Variants in FBXW10 observed in about 807,000 individuals in gnomAD.
FBXW10 encodes the protein F-box and WD repeat domain containing 10.
FBXW10 carries 68 observed loss-of-function variants against 113.1 expected under a neutral mutation model. That is an observed-to-expected ratio of 0.60 (90% CI 0.49 to 0.74). The LOEUF (loss-of-function observed/expected upper bound fraction) is 0.74. Ranked by LOEUF, FBXW10 falls within the 30% of genes least tolerant of loss-of-function variation. The pLI is 0.00. For synonymous variants in FBXW10, 289 were observed against 481.6 expected, an observed-to-expected ratio of 0.60 and a Z score of 5.24; for missense variants, 753 against 1,284.5, an observed-to-expected ratio of 0.59 and a Z score of 6.32.
intron 11 of FBXW10, 90 bp from the exon 12 acceptor site, chr17:18,772,322 G>A (rs1402806830): frequency 1.6e-6 from 2 of 1,271,062 alleles, no homozygotes; most frequent in East Asian, 2.3e-5. Context: ...TGTTCCTTTA[G>A]TCTAAAGACC....
At position 18,744,548 on chromosome 17, in the gene FBXW10, G is replaced by A. The variant is rs377476079; in HGVS notation, c.304G>A (p.Val102Met). 64 of 1,613,892 alleles carry A rather than the reference G, an allele frequency of 4.0e-5. No individual in the cohort carries two copies. The highest frequency in any genetic ancestry group is 5.0e-5 in the Non-Finnish European group (59 of 1,179,888). The change falls in exon 1 of 14, where the codon GTG becomes ATG. Residue 102 changes from valine (V) to methionine (M), a missense_variant. By Grantham distance (21) the Val-to-Met change is conservative (BLOSUM62 1). Coordinates refer to ENST00000395665, the MANE Select transcript of FBXW10 (RefSeq NM_001267585.2). ...CCTCAGCAAGAAAGAGGGGAAAGTTGTGAAGTCCTCCTTGAACCAAATGTT... is the reference window on the plus strand; with the variant it reads ...CCTCAGCAAGAAAGAGGGGAAAGTTATGAAGTCCTCCTTGAACCAAATGTT... The part of the protein sequence containing the change: ...INLSKKEGKV[V>M]KSSLNQMLDK...
In FBXW10 at chr17:18,750,971, A is replaced by G; in HGVS notation, c.1040A>G (p.Lys347Arg). ...TRGIDPNYAN[K>R]VSIPVPKMVD... Reference sequence around the variant, plus strand: ...GGAATTGATCCTAATTATGCCAATAAGGTTTCTATCCCAGTTCCTAAAATG... The same window carrying G: ...GGAATTGATCCTAATTATGCCAATAGGGTTTCTATCCCAGTTCCTAAAATG... Residue 347 changes from lysine (K) to arginine (R), a missense_variant, in exon 5 of 14, where the codon AAG becomes AGG. Physicochemically the swap from Lys to Arg is conservative, Grantham distance 26. Transcript: ENST00000395665. The G allele has an allele frequency of 1.2e-6, 2 of 1,614,116 alleles. No individual in the cohort carries two copies. Among genetic ancestry groups the G allele is most frequent in the South Asian group, 2.2e-5 (2 of 91,086 alleles).
intron 13 of FBXW10, 26 bp downstream of exon 13, chr17:18,775,218 T>C (rs1269603757): frequency 2.0e-6 from 3 of 1,537,988 alleles, no homozygotes; most frequent in Admixed American, 3.4e-5. Flanking sequence ...ATTCTGTTCA[T>C]AAGGGAACAA....
At position 18,744,130 on chromosome 17, in the gene FBXW10, T is replaced by A; in HGVS notation, c.-115T>A. The A allele has an allele frequency of 6.6e-7, 1 of 1,512,534 alleles. No individual in the cohort carries two copies. Among genetic ancestry groups the A allele is most frequent in the Non-Finnish European group, 8.8e-7 (1 of 1,132,258 alleles). The allele number at this position is 1,512,534 out of a possible 1,614,324, so 93.7% of individuals were successfully genotyped here. On this transcript the variant is annotated 5_prime_UTR_variant, in exon 1 of 14. It adds an upstream start codon to the 5' untranslated region. Transcript: ENST00000395665. ...CATTTACTTTTGCTCTGGGAGACGT[T>A]TGTAATAGAAAAGGCACAACTGGGG...
chr17:18,745,184 G>A (rs1181512461), intron 1 of FBXW10: 12 of 1,008,168 alleles, frequency 1.2e-5, no homozygotes, highest in African/African-American at 1.8e-5. Context: ...TCAAAACTTA[G>A]GGCTTTTTTT....
chr17:18,767,533 A>AT (rs996932204), intron 9 of FBXW10, among the ~76,000 whole-genome samples: 7 of 151,554 alleles, frequency 4.6e-5, no homozygotes, highest in African/African-American at 1.2e-4. Flanking sequence ...TGAACAGAGA[A>AT]TTTTTTTTTC....
chr17:18,772,320 T>C, intron 11 of FBXW10, 92 bp from the exon 12 acceptor site: 7 of 1,231,546 alleles, frequency 5.7e-6, no homozygotes, highest in Non-Finnish European at 2.3e-6. Flanking sequence ...ACTGTTCCTT[T>C]AGTCTAAAGA....
At chr17:18,756,744 A>T (rs1428728984) in intron 6 of FBXW10, among the ~76,000 whole-genome samples, 1 of 152,250 alleles carries the variant, frequency 6.6e-6, no homozygotes, top group Admixed American at 6.5e-5. Flanking sequence ...ATATGCTGAG[A>T]GACGAAGTTC....
intron 12 of FBXW10, among the ~76,000 whole-genome samples, chr17:18,774,273 C>G (rs920897158): frequency 6.6e-6 from 1 of 152,210 alleles, no homozygotes; most frequent in African/African-American, 2.4e-5. Flanking sequence ...GGTCACGCAC[C>G]AGAGCAGGAA....
Position 18,744,517 on chromosome 17 carries a change from G to C in FBXW10, c.273G>C (p.Arg91=). The change falls in exon 1 of 14, where the codon CGG becomes CGC. Residue 91 remains arginine, a synonymous_variant. Transcript: ENST00000395665. ...AGGATTTCATCTATAACAGGTCCCG[G>C]ATCAACCTCAGCAAGAAAGAGGGGA... The part of the protein sequence containing the change: ...QGKDFIYNRS[R]INLSKKEGKV... 6.2e-7 allele frequency: 1 copy of C among 1,613,914 alleles called. No individual in the cohort carries two copies.
intron 9 of FBXW10, among the ~76,000 whole-genome samples, chr17:18,767,229 T>G (rs1202657546): frequency 1.3e-5 from 2 of 151,790 alleles, no homozygotes; most frequent in African/African-American, 4.8e-5. Flanking sequence ...TCCCAGCACT[T>G]TGGGAGGCCG....
At chr17:18,759,442 T>A (rs2151807530) in intron 7 of FBXW10, among the ~76,000 whole-genome samples, 1 of 151,302 alleles carries the variant, frequency 6.6e-6, no homozygotes, top group Non-Finnish European at 1.5e-5. Context: ...AATCATATTT[T>A]AAAAATTTGT....
In FBXW10 at chr17:18,760,336, G is replaced by T. The variant is rs1373363336; in HGVS notation, c.1433+1831G>T. Among the ~76,000 whole-genome samples, 3 of 152,206 alleles carry T rather than the reference G, an allele frequency of 2.0e-5. 1 individual carries two copies. Among genetic ancestry groups the T allele is most frequent in the African/African-American group, 7.2e-5 (3 of 41,444 alleles). On this transcript the variant is annotated intron_variant, in intron 7 of 13. Coordinates refer to ENST00000395665, the MANE Select transcript of FBXW10 (RefSeq NM_001267585.2). ...GATTTACTATAAAGTATTGACTTGT[G>T]TGATCAAGGTGGCTGGCAAGTCCAA...
At chr17:18,776,340 T>C (rs1466120503) in intron 13 of FBXW10, among the ~76,000 whole-genome samples, 1 of 152,146 alleles carries the variant, frequency 6.6e-6, no homozygotes, top group Non-Finnish European at 1.5e-5. Flanking sequence ...AAAAAGTTTC[T>C]GGACATCATG....
At chr17:18,761,302 C>G (rs2035379312) in intron 7 of FBXW10, among the ~76,000 whole-genome samples, 1 of 150,642 alleles carries the variant, frequency 6.6e-6, no homozygotes, top group Admixed American at 6.6e-5. Context: ...GTCTCGCTCT[C>G]TCGCCCAGGC....
chr17:18,748,703 G>C (rs2035095726), intron 2 of FBXW10, among the ~76,000 whole-genome samples: 1 of 152,150 alleles, frequency 6.6e-6, no homozygotes. Flanking sequence ...ATAGAGATCA[G>C]AAAGGAAACT....
chr17:18,768,558 G>A lies in FBXW10; in HGVS notation c.1729G>A (p.Val577Met), dbSNP rs759260883. The change falls in exon 10 of 14, where the codon GTG (valine) becomes ATG (methionine). Residue 577 changes from valine (V) to methionine (M), a missense_variant. Transcript: ENST00000395665. The part of the protein sequence containing the change: ...VKTLSGHEGA[V>M]KCLFFDQWHL... ...GACTCTCAGTGGCCATGAGGGAGCC[G>A]TGAAATGCCTGTTCTTTGACCAGTG... 39 of 1,613,960 alleles carry A rather than the reference G, an allele frequency of 2.4e-5. No individual in the cohort carries two copies. Among genetic ancestry groups the A allele is most frequent in the Admixed American group, 1.0e-4 (6 of 59,982 alleles).
rs776261775 is a variant in FBXW10, at chr17:18,756,167, G to A, written c.1232+13G>A. ...TTCTCTCTGACACGTAGGTACTGGG[G>A]TCAGAATCTGGGTCTCTAGGGATGC... On this transcript the variant is annotated intron_variant, in intron 6 of 13. Coordinates refer to ENST00000395665, the MANE Select transcript of FBXW10 (RefSeq NM_001267585.2). 60 of 1,609,702 alleles carry A rather than the reference G, an allele frequency of 3.7e-5. No individual in the cohort carries two copies. Among genetic ancestry groups the A allele is most frequent in the Non-Finnish European group, 1.7e-6 (2 of 1,177,200 alleles).
chr17:18,757,311 G>A (rs1337707767), intron 6 of FBXW10, among the ~76,000 whole-genome samples: 1 of 152,170 alleles, frequency 6.6e-6, no homozygotes, highest in Non-Finnish European at 1.5e-5. Flanking sequence ...AGTCTCCTAA[G>A]TAGCTGGGAC....
Sources: allele counts gnomAD v4.1 joint callset (sites outside exome capture counted in the v4.1 genomes callset), GRCh38; gene constraint gnomAD v4.1.1; transcripts MANE v1.5; gene names NCBI Gene and HGNC (gene_info 2026-07-23, HGNC 2026-07-21).